SNTG1: variants seen among roughly 807,000 people sequenced by gnomAD.
SNTG1 encodes the protein syntrophin gamma 1, also known as gamma-1-syntrophin.
In SNTG1, 39 loss-of-function variants were observed where a neutral mutation model predicts 74.7. That is an observed-to-expected ratio of 0.52 (90% CI 0.40 to 0.68). The LOEUF is 0.68. SNTG1 is among the 30% of genes least tolerant of loss of function. The pLI, the probability that SNTG1 is intolerant of heterozygous loss-of-function variation, is 0.00. For missense variants in SNTG1, 685 were observed against 609.5 expected, an observed-to-expected ratio of 1.12 and a Z score of -1.30; for synonymous variants, 254 against 217.1, an observed-to-expected ratio of 1.17 and a Z score of -1.49.
intron 18 of SNTG1, among the ~76,000 whole-genome samples, chr8:50,777,212 G>A (rs966346741): frequency 7.1e-6 from 1 of 140,572 alleles, no homozygotes; most frequent in African/African-American, 2.8e-5. Context: ...CTGAAGACAT[G>A]AATAGCATAT....
chr8:50,674,812 G>T (rs1190056596), intron 15 of SNTG1, among the ~76,000 whole-genome samples: 1 of 151,754 alleles, frequency 6.6e-6, no homozygotes, highest in Non-Finnish European at 1.5e-5. Flanking sequence ...AGTGCTATAA[G>T]TTTCCCTCTA....
rs190891778 is a variant in SNTG1, at chr8:50,472,101, A to T, written c.363+21372A>T. Among the ~76,000 whole-genome samples the T allele has an allele frequency of 1.5e-3, 230 of 152,312 alleles. 1 individual carries two copies. The highest frequency in any genetic ancestry group is 0.01 in the Middle Eastern group (3 of 294). On this transcript the variant is annotated intron_variant, in intron 8 of 18. Transcript: ENST00000642720. ...ATTCATGGACTGGGAGAGAATTTTT[A>T]TTAATACATCAGAACTACCCATTGT... is the stretch of plus-strand genomic sequence containing the variant.
At chr8:50,419,209 A>T (rs1454707467) in intron 4 of SNTG1, among the ~76,000 whole-genome samples, 8 of 152,074 alleles carry the variant, frequency 5.3e-5, no homozygotes, top group Admixed American at 5.3e-4. Flanking sequence ...AGAAAAAAAA[A>T]TGGGCAGCTT....
chr8:50,081,169 A>T (rs1822369566), intron 1 of SNTG1, among the ~76,000 whole-genome samples: 1 of 152,180 alleles, frequency 6.6e-6, no homozygotes, highest in South Asian at 2.1e-4. Flanking sequence ...GGCTGCTAGC[A>T]ACAGTTTTTT....
intron 1 of SNTG1, among the ~76,000 whole-genome samples, chr8:49,945,089 T>C (rs1809057046): frequency 6.6e-6 from 1 of 152,212 alleles, no homozygotes; most frequent in Non-Finnish European, 1.5e-5. Context: ...TTAAGCGCCA[T>C]GTAATTTTCT....
chr8:50,778,162 T>C (rs1419193131), intron 18 of SNTG1, among the ~76,000 whole-genome samples: 4 of 152,236 alleles, frequency 2.6e-5, no homozygotes, highest in Admixed American at 2.0e-4. Context: ...GCAATAAACA[T>C]ACGTGTGCAT....
chr8:50,089,305 A>G (rs1187739755), intron 1 of SNTG1, among the ~76,000 whole-genome samples: 2 of 151,860 alleles, frequency 1.3e-5, no homozygotes, highest in Admixed American at 1.3e-4. Flanking sequence ...TAAAAACCCT[A>G]GAAGAAAACC....
chr8:50,022,392 C>T (rs1033231867), intron 1 of SNTG1, among the ~76,000 whole-genome samples: 1 of 152,080 alleles, frequency 6.6e-6, no homozygotes, highest in African/African-American at 2.4e-5. Context: ...GACTGGAGTC[C>T]GATGCTGCCA....
chr8:50,703,641 TTTC>T (rs1405385997), intron 15 of SNTG1, among the ~76,000 whole-genome samples: 2 of 152,154 alleles, frequency 1.3e-5, no homozygotes, highest in Non-Finnish European at 2.9e-5. Flanking sequence ...TAACATATTC[TTTC>T]TTATCATCAT....
chr8:50,284,383 A>C (rs945049774), intron 2 of SNTG1, among the ~76,000 whole-genome samples: 4 of 152,154 alleles, frequency 2.6e-5, no homozygotes, highest in Non-Finnish European at 5.9e-5. Flanking sequence ...TCTCAAGCAG[A>C]CATACCCTGA....
chr8:49,920,353 C>T (rs1023013948), intron 1 of SNTG1, among the ~76,000 whole-genome samples: 4 of 152,004 alleles, frequency 2.6e-5, no homozygotes, highest in Non-Finnish European at 5.9e-5. Context: ...CTGACTTTTT[C>T]ATTCCTGTTT....
At chr8:50,081,394 A>G (rs540981271) in intron 1 of SNTG1, among the ~76,000 whole-genome samples, 5 of 150,366 alleles carry the variant, frequency 3.3e-5, no homozygotes, top group Non-Finnish European at 7.4e-5. Flanking sequence ...TAGATGTGTT[A>G]TCTCTTTGTC....
intron 1 of SNTG1, among the ~76,000 whole-genome samples, chr8:49,944,777 T>C (rs1563378518): frequency 6.7e-6 from 1 of 149,954 alleles, no homozygotes; most frequent in African/African-American, 2.5e-5. Flanking sequence ...AATAAATGAA[T>C]TCATCACCTG....
At chr8:50,299,862 C>T (rs1471635389) in intron 2 of SNTG1, among the ~76,000 whole-genome samples, 3 of 152,026 alleles carry the variant, frequency 2.0e-5, no homozygotes, top group African/African-American at 4.8e-5. Context: ...ACCAACTTGC[C>T]TGTTCTTTAA....
chr8:50,049,263 T>G (rs920851993), intron 1 of SNTG1, among the ~76,000 whole-genome samples: 7 of 152,064 alleles, frequency 4.6e-5, no homozygotes, highest in Non-Finnish European at 1.0e-4. Flanking sequence ...CTGCATTATC[T>G]ACAAGAAACT....
chr8:50,486,682 A>G (rs1251320055), intron 8 of SNTG1, among the ~76,000 whole-genome samples: 10 of 149,434 alleles, frequency 6.7e-5, no homozygotes, highest in Non-Finnish European at 1.5e-4. Flanking sequence ...AACTTCCAAC[A>G]CTATGTTGAA....
chr8:50,189,748 C>T (rs558019398), intron 2 of SNTG1, among the ~76,000 whole-genome samples: 1 of 152,134 alleles, frequency 6.6e-6, no homozygotes, highest in East Asian at 1.9e-4. Flanking sequence ...TAATACATTT[C>T]AGAAGAGATA....
chr8:50,554,437 T>C (rs923660297), intron 12 of SNTG1, among the ~76,000 whole-genome samples: 2 of 152,118 alleles, frequency 1.3e-5, no homozygotes, highest in Non-Finnish European at 2.9e-5. Context: ...GGTTGATACA[T>C]GTGGAAATGT....
chr8:49,995,647 A>T (rs1814136149), intron 1 of SNTG1, among the ~76,000 whole-genome samples: 1 of 152,244 alleles, frequency 6.6e-6, no homozygotes, highest in Non-Finnish European at 1.5e-5. Context: ...AGAATACTGC[A>T]GTGAAAATGT....
Sources: gnomAD v4.1 joint callset for allele counts (sites outside exome capture counted in the v4.1 genomes callset) on GRCh38, gnomAD v4.1.1 for gene constraint, MANE v1.5 for transcripts, NCBI Gene and HGNC (gene_info 2026-07-23, HGNC 2026-07-21) for gene names.